BBS5: variants seen among roughly 807,000 people sequenced by gnomAD.
BBS5 encodes Bardet-Biedl syndrome 5, also known as BBSome complex member BBS5.
Under a neutral mutation model 50.2 loss-of-function variants are expected in BBS5, and 39 were observed. That is an observed-to-expected ratio of 0.78 (90% CI 0.60 to 1.01). The LOEUF (loss-of-function observed/expected upper bound fraction) is 1.01. Among genes scored for constraint, BBS5 ranks in the 50% least tolerant of loss-of-function variants. The pLI is 0.00. For synonymous variants in BBS5, 134 were observed against 133.1 expected (o/e 1.01, Z -0.05); for missense variants, 356 against 401.5 (o/e 0.89, Z 0.97).
At chr2:169,481,572 A>T (rs1381987659) in intron 1 of BBS5, among the ~76,000 whole-genome samples, 1 of 151,884 alleles carries the variant, frequency 6.6e-6, no homozygotes, top group South Asian at 2.1e-4. Flanking sequence ...TAGGTAGTTG[A>T]GTTGGCTTTA....
chr2:169,502,080 C>T (rs1328920313), intron 9 of BBS5, among the ~76,000 whole-genome samples: 2 of 152,068 alleles, frequency 1.3e-5, no homozygotes, highest in African/African-American at 4.8e-5. Flanking sequence ...ATTAATCAGC[C>T]TCCTCCACTA....
chr2:169,496,551 C>A (rs1223734877), intron 7 of BBS5, among the ~76,000 whole-genome samples: 2 of 152,044 alleles, frequency 1.3e-5, no homozygotes, highest in African/African-American at 4.8e-5. Context: ...CTGACTAACA[C>A]AGTGAAACCC....
chr2:169,492,156 GA>G, intron 5 of BBS5, among the ~76,000 whole-genome samples: 1 of 151,940 alleles, frequency 6.6e-6, no homozygotes, highest in Non-Finnish European at 1.5e-5. Flanking sequence ...AGGAAAGGAA[GA>G]AAAGGTAGCA....
chr2:169,499,760 A>G (rs1683765055), intron 9 of BBS5, 140 bp downstream of exon 9: 1 of 867,358 alleles, frequency 1.2e-6, no homozygotes, highest in Non-Finnish European at 1.8e-6. Context: ...AAGTGGGCAT[A>G]GCTCCTGGAT....
chr2:169,486,334 G>T lies in BBS5; in HGVS notation c.143-735G>T, dbSNP rs201242553. Among the ~76,000 whole-genome samples, 4 of 152,258 alleles carry T rather than the reference G, an allele frequency of 2.6e-5. No individual in the cohort carries two copies. The East Asian group carries it at 7.7e-4, about 29-fold the overall frequency. On this transcript the variant is annotated intron_variant, in intron 2 of 11. Coordinates refer to ENST00000295240, the MANE Select transcript of BBS5 (RefSeq NM_152384.3). ...TCTTATTATTTCAGAATATCTCAAAGCTATGATAATATGCTGATTGTATTG... is the reference window on the plus strand; with the variant it reads ...TCTTATTATTTCAGAATATCTCAAATCTATGATAATATGCTGATTGTATTG...
intron 10 of BBS5, 46 bp from the exon 11 acceptor site, chr2:169,504,257 A>G (rs771606001): frequency 2.6e-6 from 4 of 1,568,260 alleles, no homozygotes; most frequent in Middle Eastern, 1.7e-4. Context: ...ATCTATTCGA[A>G]TATTATATGT....
intron 7 of BBS5, 66 bp from the exon 8 acceptor site, chr2:169,497,561 T>G (rs1683715022): frequency 2.1e-6 from 2 of 955,432 alleles, no homozygotes; most frequent in African/African-American, 3.3e-5. Flanking sequence ...GTTTAAAAAC[T>G]GAGTTAAAGA....
chr2:169,501,904 G>A (rs1015078046), intron 9 of BBS5, among the ~76,000 whole-genome samples: 1 of 152,136 alleles, frequency 6.6e-6, no homozygotes, highest in Non-Finnish European at 1.5e-5. Context: ...TTTGACCCCA[G>A]TATATAATAG....
intron 10 of BBS5, 42 bp from the exon 11 acceptor site, chr2:169,504,261 T>C: frequency 6.3e-7 from 1 of 1,579,414 alleles, no homozygotes; most frequent in Non-Finnish European, 8.7e-7. Flanking sequence ...ATTCGAATAT[T>C]ATATGTCCAG....
chr2:169,486,138 C>A (rs1683484991), intron 2 of BBS5, among the ~76,000 whole-genome samples: 1 of 152,158 alleles, frequency 6.6e-6, no homozygotes, highest in Non-Finnish European at 1.5e-5. Flanking sequence ...TTTTTAGAGC[C>A]ATGTTTGCTA....
intron 1 of BBS5, among the ~76,000 whole-genome samples, chr2:169,481,677 A>T (rs1683398898): frequency 6.7e-6 from 1 of 149,688 alleles, no homozygotes; most frequent in Non-Finnish European, 1.5e-5. Flanking sequence ...AGCTGCTCTT[A>T]TTTCCTTTTG....
In BBS5 at chr2:169,505,686, C is replaced by T. The variant is rs182027521; in HGVS notation, c.*1104C>T. 0.036 allele frequency: 7,875 copies of T among 218,082 alleles called. 191 individuals carry two copies. The highest frequency in any genetic ancestry group is 0.1 in the East Asian group (609 of 5,954). The allele number at this position is 218,082 out of a possible 1,614,324, so 13.5% of individuals were successfully genotyped here. A position where few individuals can be genotyped will look rare whatever the true frequency, so the allele number is the denominator to read the frequency against. On this transcript the variant is annotated 3_prime_UTR_variant, in exon 12 of 12. Coordinates refer to ENST00000295240, the MANE Select transcript of BBS5 (RefSeq NM_152384.3). ...GTGAGGAGACCCTCCGCCTGGCAACCGCCCCGTCTGATAAGTAAGGAGCCC... is the reference window on the plus strand; with the variant it reads ...GTGAGGAGACCCTCCGCCTGGCAACTGCCCCGTCTGATAAGTAAGGAGCCC...
chr2:169,489,581 C>A (rs975571205), intron 5 of BBS5, among the ~76,000 whole-genome samples: 1 of 150,924 alleles, frequency 6.6e-6, no homozygotes, highest in Non-Finnish European at 1.5e-5. Context: ...GCTGGGATTA[C>A]ACATGTGAGC....
At chr2:169,488,366 A>G (rs1683523274) in intron 5 of BBS5, among the ~76,000 whole-genome samples, 1 of 152,236 alleles carries the variant, frequency 6.6e-6, no homozygotes. Context: ...CTGCAACTAT[A>G]TGGTCCCATC....
chr2:169,497,998 T>A (rs1413900714), intron 8 of BBS5, among the ~76,000 whole-genome samples: 1 of 152,206 alleles, frequency 6.6e-6, no homozygotes, highest in Non-Finnish European at 1.5e-5. Flanking sequence ...ATACAGCTAC[T>A]ATTTTTCCCC....
At chr2:169,503,878 T>C (rs932786632) in intron 10 of BBS5, among the ~76,000 whole-genome samples, 3 of 152,236 alleles carry the variant, frequency 2.0e-5, no homozygotes, top group African/African-American at 7.2e-5. Flanking sequence ...TGCCTCAAAC[T>C]GTATGCATCT....
intron 9 of BBS5, among the ~76,000 whole-genome samples, chr2:169,500,625 CTCT>C (rs1188670763): frequency 1.3e-5 from 2 of 152,216 alleles, no homozygotes; most frequent in Non-Finnish European, 2.9e-5. Flanking sequence ...TTACTTATAT[CTCT>C]TCTTCTGCTC....
At chr2:169,487,468 A>T in intron 3 of BBS5, among the ~76,000 whole-genome samples, 1 of 151,970 alleles carries the variant, frequency 6.6e-6, no homozygotes, top group East Asian at 1.9e-4. Flanking sequence ...ATTTTGTTTC[A>T]CTTATTTTTT....
intron 1 of BBS5, among the ~76,000 whole-genome samples, chr2:169,481,104 T>C (rs1683384664): frequency 6.6e-6 from 1 of 152,180 alleles, no homozygotes; most frequent in Non-Finnish European, 1.5e-5. Context: ...CAGAAAATAA[T>C]AGGAAATGAT....
Sources: gnomAD v4.1 joint callset for allele counts (sites outside exome capture counted in the v4.1 genomes callset) on GRCh38, gnomAD v4.1.1 for gene constraint, MANE v1.5 for transcripts, NCBI Gene and HGNC (gene_info 2026-07-23, HGNC 2026-07-21) for gene names.